The following PRKG1 variants were observed in gnomAD, a reference collection of about 807,000 sequenced individuals.
PRKG1 encodes cGMP-dependent protein kinase 1.
In PRKG1, 35 loss-of-function variants were observed where a neutral mutation model predicts 88.1. The ratio of observed to expected loss-of-function variants is 0.40; its 90% CI spans 0.30 to 0.53. The LOEUF is 0.53. PRKG1 is among the 20% of genes least tolerant of loss of function. The probability of loss-of-function intolerance (pLI) is 0.59; values close to 1 mark genes in which losing one functional copy is unlikely to be tolerated. For synonymous variants in PRKG1, 303 were observed against 292.5 expected, an observed-to-expected ratio of 1.04 and a Z score of -0.37; for missense variants, 540 against 839.8, an observed-to-expected ratio of 0.64 and a Z score of 4.41.
chr10:51,112,720 TTAGGAAC>T (rs928727949), intron 1 of PRKG1, among the ~76,000 whole-genome samples: 8 of 152,106 alleles, frequency 5.3e-5, no homozygotes, highest in African/African-American at 1.9e-4. Flanking sequence ...TAGGGTGAAA[TTAGGAAC>T]TATATGCAGC....
At chr10:51,819,944 T>C (rs1839699629) in intron 4 of PRKG1, among the ~76,000 whole-genome samples, 1 of 152,200 alleles carries the variant, frequency 6.6e-6, no homozygotes, top group South Asian at 2.1e-4. Flanking sequence ...TTCATCATCA[T>C]GACAATTGAG....
At chr10:51,296,063 G>A (rs762351418) in intron 2 of PRKG1, among the ~76,000 whole-genome samples, 1 of 152,014 alleles carries the variant, frequency 6.6e-6, no homozygotes, top group Non-Finnish European at 1.5e-5. Context: ...ATGTTCTGTT[G>A]AATGCTGTTT....
In PRKG1 at chr10:51,108,726, C is replaced by G. The variant is rs58393519; in HGVS notation, c.311+33825C>G. On this transcript the variant is annotated intron_variant, in intron 1 of 17. Coordinates refer to ENST00000373980, the MANE Select transcript of PRKG1 (RefSeq NM_006258.4). ...CTAAGATCAGGAGCAAATGAGGATG[C>G]CTCTCTTTCCACTTCAGTTCAACAT... Among the ~76,000 whole-genome samples, 590 of 152,252 alleles carry G rather than the reference C, an allele frequency of 3.9e-3. 2 individuals are homozygous for G. The highest frequency in any genetic ancestry group is 0.014 in the African/African-American group (571 of 41,554).
chr10:51,564,480 A>G (rs28656252), intron 3 of PRKG1, among the ~76,000 whole-genome samples: 10,473 of 152,018 alleles, frequency 0.069, 1,165 homozygotes, highest in African/African-American at 0.24. Context: ...TGAGCTTTGC[A>G]GATATTGAAG....
chr10:51,046,415 T>C (rs530399541), intron 1 of PRKG1, among the ~76,000 whole-genome samples: 1 of 152,358 alleles, frequency 6.6e-6, no homozygotes, highest in East Asian at 1.9e-4. Flanking sequence ...TAGGGCATTT[T>C]CTTGATAAGT....
At chr10:51,880,133 A>C (rs1206794528) in intron 4 of PRKG1, among the ~76,000 whole-genome samples, 1 of 152,224 alleles carries the variant, frequency 6.6e-6, no homozygotes, top group Non-Finnish European at 1.5e-5. Flanking sequence ...TTGATTAAAA[A>C]ATATTTTGTG....
chr10:51,806,747 A>G (rs1003513779), intron 4 of PRKG1, among the ~76,000 whole-genome samples: 3 of 152,110 alleles, frequency 2.0e-5, no homozygotes, highest in African/African-American at 7.2e-5. Context: ...TTACAGCCTC[A>G]TTAGTTGGAC....
At chr10:52,067,883 C>T (rs10824012) in intron 7 of PRKG1, among the ~76,000 whole-genome samples, 38,648 of 148,248 alleles carry the variant, frequency 0.26, 5,556 homozygotes, top group South Asian at 0.29. Context: ...GTCAATCCAT[C>T]TATACTTTGA....
chr10:51,497,432 G>A (rs146418425), intron 3 of PRKG1, among the ~76,000 whole-genome samples: 29 of 152,244 alleles, frequency 1.9e-4, no homozygotes, highest in African/African-American at 6.7e-4. Flanking sequence ...TCTGCAGCTT[G>A]TAGTCTAGTG....
intron 3 of PRKG1, among the ~76,000 whole-genome samples, chr10:51,489,181 C>A (rs1840635776): frequency 6.6e-6 from 1 of 152,046 alleles, no homozygotes; most frequent in Non-Finnish European, 1.5e-5. Flanking sequence ...AATAACACAG[C>A]AATTACAGCC....
At chr10:51,470,431 CT>C (rs1840021379) in intron 3 of PRKG1, among the ~76,000 whole-genome samples, 1 of 151,780 alleles carries the variant, frequency 6.6e-6, no homozygotes, top group South Asian at 2.1e-4. Flanking sequence ...CATACCTCGG[CT>C]TTTGACCTCC....
chr10:51,046,444 T>A (rs1481987101), intron 1 of PRKG1, among the ~76,000 whole-genome samples: 1 of 152,212 alleles, frequency 6.6e-6, no homozygotes, highest in African/African-American at 2.4e-5. Flanking sequence ...ACATAAATCT[T>A]CATTTGACTC....
At chr10:51,848,250 T>C (rs1175039375) in intron 4 of PRKG1, among the ~76,000 whole-genome samples, 1 of 152,190 alleles carries the variant, frequency 6.6e-6, no homozygotes. Context: ...GAGACTCAAA[T>C]TGAAATTAAG....
At chr10:51,894,749 T>G (rs1239681542) in intron 4 of PRKG1, among the ~76,000 whole-genome samples, 1 of 152,170 alleles carries the variant, frequency 6.6e-6, no homozygotes, top group Non-Finnish European at 1.5e-5. Context: ...TTAGATATAG[T>G]GTAGTTTTAG....
intron 3 of PRKG1, among the ~76,000 whole-genome samples, chr10:51,797,880 T>G (rs1001855320): frequency 6.6e-6 from 1 of 151,964 alleles, no homozygotes; most frequent in African/African-American, 2.4e-5. Context: ...GGACCTCATA[T>G]CAGTGGAATC....
chr10:51,178,651 G>C (rs1197697116), intron 2 of PRKG1, among the ~76,000 whole-genome samples: 1 of 151,776 alleles, frequency 6.6e-6, no homozygotes, highest in Non-Finnish European at 1.5e-5. Context: ...AAATAAAATT[G>C]GTATTAAATG....
intron 2 of PRKG1, among the ~76,000 whole-genome samples, chr10:51,380,241 C>A (rs1837042002): frequency 6.6e-6 from 1 of 152,150 alleles, no homozygotes; most frequent in Admixed American, 6.5e-5. Flanking sequence ...CCTGCTTACT[C>A]TAGTTTGCAA....
intron 3 of PRKG1, among the ~76,000 whole-genome samples, chr10:51,641,003 C>T (rs1839784990): frequency 6.6e-6 from 1 of 151,780 alleles, no homozygotes; most frequent in Non-Finnish European, 1.5e-5. Context: ...AAATACATGC[C>T]ATTAGTGGTC....
At chr10:51,148,439 T>C (rs1343524973) in intron 1 of PRKG1, among the ~76,000 whole-genome samples, 1 of 152,220 alleles carries the variant, frequency 6.6e-6, no homozygotes, top group Non-Finnish European at 1.5e-5. Context: ...ACTTAATAGC[T>C]TTGACTATGT....
Sources: gnomAD v4.1 joint callset for allele counts (sites outside exome capture counted in the v4.1 genomes callset) on GRCh38, gnomAD v4.1.1 for gene constraint, MANE v1.5 for transcripts, NCBI Gene and HGNC (gene_info 2026-07-23, HGNC 2026-07-21) for gene names.